CDH12: variants seen among roughly 807,000 people sequenced by gnomAD.
CDH12 encodes the protein cadherin 12, also known as cadherin-12.
A neutral mutation model predicts 74.1 loss-of-function variants in CDH12; 41 were observed. That is an observed-to-expected ratio of 0.55 (90% confidence interval 0.43 to 0.72). The LOEUF is 0.72. CDH12 is among the 30% of genes least tolerant of loss of function. The pLI is 0.00. For synonymous variants in CDH12, 399 were observed against 355.0 expected (o/e 1.12, Z -1.39); for missense variants, 945 against 977.2 (o/e 0.97, Z 0.44).
At position 22,842,486 on chromosome 5, in the gene CDH12, C is replaced by CA. The variant is rs1377650585; in HGVS notation, c.-523+10571dup. On this transcript the variant is annotated intron_variant, in intron 1 of 14. Transcript: ENST00000382254. ...GTTTTTTGCAAGAGAGTTACAGAGA[C>CA]AAAAAAATAGTCAAGGACCAGAGCT... is the stretch of plus-strand genomic sequence containing the variant. Among the ~76,000 whole-genome samples, 4 of 151,710 alleles carry CA rather than the reference C, an allele frequency of 2.6e-5. No homozygotes were observed. The East Asian group carries it at 5.8e-4, about 22-fold the overall frequency.
chr5:22,289,383 T>A (rs1737286428), intron 3 of CDH12, among the ~76,000 whole-genome samples: 1 of 152,160 alleles, frequency 6.6e-6, no homozygotes, highest in Admixed American at 6.5e-5. Flanking sequence ...TGGAGAGAAG[T>A]CATCTGTTCA....
At chr5:22,165,055 G>A (rs977749694) in intron 4 of CDH12, among the ~76,000 whole-genome samples, 12 of 149,650 alleles carry the variant, frequency 8.0e-5, no homozygotes, top group Admixed American at 2.7e-4. Flanking sequence ...TCATCTCACC[G>A]CATAACAATG....
chr5:21,919,631 A>G (rs945024929), intron 6 of CDH12, among the ~76,000 whole-genome samples: 1 of 152,144 alleles, frequency 6.6e-6, no homozygotes, highest in African/African-American at 2.4e-5. Context: ...GATGTCACCA[A>G]TCTCTTTGTA....
At chr5:22,548,881 G>A (rs928879026) in intron 1 of CDH12, among the ~76,000 whole-genome samples, 2 of 151,924 alleles carry the variant, frequency 1.3e-5, no homozygotes, top group African/African-American at 2.4e-5. Flanking sequence ...TTCTCATAGT[G>A]CTTCCTAGAA....
At chr5:22,343,407 T>C (rs1301530757) in intron 3 of CDH12, among the ~76,000 whole-genome samples, 1 of 151,592 alleles carries the variant, frequency 6.6e-6, no homozygotes, top group East Asian at 1.9e-4. Context: ...AAGTTGCTTT[T>C]TTCATTCTGT....
chr5:22,093,635 T>C (rs1335926182), intron 4 of CDH12, among the ~76,000 whole-genome samples: 3 of 152,166 alleles, frequency 2.0e-5, no homozygotes, highest in Non-Finnish European at 4.4e-5. Flanking sequence ...TGGAGAATGA[T>C]TGCCAACGGG....
intron 1 of CDH12, among the ~76,000 whole-genome samples, chr5:22,752,754 T>C (rs934667406): frequency 1.3e-5 from 2 of 149,778 alleles, no homozygotes; most frequent in Admixed American, 1.3e-4. Flanking sequence ...TGTATTTTTT[T>C]ACTAGAGACG....
chr5:22,421,144 C>T (rs1427297791), intron 2 of CDH12, among the ~76,000 whole-genome samples: 1 of 152,110 alleles, frequency 6.6e-6, no homozygotes, highest in Non-Finnish European at 1.5e-5. Flanking sequence ...CAAACAGAGA[C>T]AGTTTGACTT....
chr5:22,830,025 A>T (rs1262159585), intron 1 of CDH12, among the ~76,000 whole-genome samples: 2 of 152,202 alleles, frequency 1.3e-5, no homozygotes, highest in Non-Finnish European at 2.9e-5. Flanking sequence ...ATTATATCAC[A>T]CATCACTACT....
chr5:22,141,231 G>A (rs1481347108), intron 4 of CDH12: 2 of 152,184 alleles, frequency 1.3e-5, no homozygotes, highest in African/African-American at 2.4e-5. Flanking sequence ...TGAATGGCAT[G>A]ATTCTCTCTC....
At chr5:22,022,535 A>C (rs1738058923) in intron 5 of CDH12, among the ~76,000 whole-genome samples, 1 of 152,102 alleles carries the variant, frequency 6.6e-6, no homozygotes, top group African/African-American at 2.4e-5. Context: ...CAGTGTGAGA[A>C]TCAACTAATA....
At chr5:22,574,348 C>T (rs141998425) in intron 1 of CDH12, among the ~76,000 whole-genome samples, 1 of 152,102 alleles carries the variant, frequency 6.6e-6, no homozygotes, top group Non-Finnish European at 1.5e-5. Flanking sequence ...ATCTAAAATT[C>T]ATCACCGTCT....
chr5:22,203,061 A>G (rs1263755322), intron 4 of CDH12, among the ~76,000 whole-genome samples: 9 of 152,186 alleles, frequency 5.9e-5, no homozygotes, highest in Non-Finnish European at 1.2e-4. Context: ...AGTTAGGGCA[A>G]TTAGCATATC....
At chr5:22,631,040 T>C (rs1389395009) in intron 1 of CDH12, among the ~76,000 whole-genome samples, 2 of 152,138 alleles carry the variant, frequency 1.3e-5, no homozygotes, top group African/African-American at 4.8e-5. Context: ...GAAAAAATGC[T>C]GAACATTACT....
chr5:22,832,365 C>T (rs998918099), intron 1 of CDH12, among the ~76,000 whole-genome samples: 6 of 152,110 alleles, frequency 3.9e-5, no homozygotes, highest in African/African-American at 7.2e-5. Flanking sequence ...ATGGGAGTAA[C>T]GGTGTCACAA....
At chr5:22,828,144 T>C (rs1736425380) in intron 1 of CDH12, among the ~76,000 whole-genome samples, 2 of 152,066 alleles carry the variant, frequency 1.3e-5, no homozygotes, top group South Asian at 2.1e-4. Context: ...GATTAGAAAA[T>C]ACATAACAAT....
chr5:22,145,789 A>G (rs1371373118), intron 4 of CDH12, among the ~76,000 whole-genome samples: 1 of 152,064 alleles, frequency 6.6e-6, no homozygotes, highest in Non-Finnish European at 1.5e-5. Context: ...TACAAAATAG[A>G]GCACTGATGA....
At chr5:22,623,485 T>A (rs933152863) in intron 1 of CDH12, among the ~76,000 whole-genome samples, 3 of 152,168 alleles carry the variant, frequency 2.0e-5, no homozygotes, top group Non-Finnish European at 4.4e-5. Context: ...AGAAAATCAA[T>A]GTGCAAAAAT....
chr5:22,677,564 G>A (rs1402354834), intron 1 of CDH12, among the ~76,000 whole-genome samples: 1 of 151,936 alleles, frequency 6.6e-6, no homozygotes, highest in Admixed American at 6.6e-5. Flanking sequence ...TTATCACAAT[G>A]GGGATTGAAT....
Sources: gnomAD v4.1 joint callset for allele counts (sites outside exome capture counted in the v4.1 genomes callset) on GRCh38, gnomAD v4.1.1 for gene constraint, MANE v1.5 for transcripts, NCBI Gene and HGNC (gene_info 2026-07-23, HGNC 2026-07-21) for gene names.